Variants in SLC39A11 observed in about 807,000 individuals in gnomAD.
SLC39A11 encodes the protein solute carrier family 39 member 11.
In SLC39A11, 33 loss-of-function variants were observed where a neutral mutation model predicts 36.1. The ratio of observed to expected loss-of-function variants is 0.91; its 90% CI spans 0.69 to 1.22. The LOEUF (loss-of-function observed/expected upper bound fraction) is 1.22, where lower values mean the gene tolerates loss of function less well. Ranked by LOEUF, SLC39A11 falls within the 50% of genes most tolerant of loss-of-function variation. The probability of loss-of-function intolerance (pLI) is 0.00; values close to 1 mark genes in which losing one functional copy is unlikely to be tolerated. For synonymous variants in SLC39A11, 166 were observed against 170.3 expected (o/e 0.97, Z 0.20); for missense variants, 432 against 430.3 (o/e 1.00, Z -0.03).
chr17:72,712,621 T>C (rs948602376), intron 7 of SLC39A11: 1 of 152,160 alleles, frequency 6.6e-6, no homozygotes, highest in African/African-American at 2.4e-5. Context: ...CTTTGAAAGG[T>C]GTCCAGTGCT....
chr17:72,906,443 C>T (rs1410846279), intron 5 of SLC39A11, among the ~76,000 whole-genome samples: 1 of 152,256 alleles, frequency 6.6e-6, no homozygotes, highest in Non-Finnish European at 1.5e-5. Context: ...CAGAACGGGG[C>T]TTGGCTGGGT....
At chr17:72,776,319 C>T (rs1184313930) in intron 6 of SLC39A11, among the ~76,000 whole-genome samples, 1 of 152,186 alleles carries the variant, frequency 6.6e-6, no homozygotes, top group Non-Finnish European at 1.5e-5. Flanking sequence ...AACCAGAAGA[C>T]AGCATTTAAA....
intron 6 of SLC39A11, 152 bp downstream of exon 6, chr17:72,849,482 A>C: frequency 1.4e-6 from 1 of 699,966 alleles, no homozygotes. Context: ...ATCAAAAAAT[A>C]AAGCCAAGAA....
At chr17:72,814,764 C>T (rs2077531271) in intron 6 of SLC39A11, among the ~76,000 whole-genome samples, 2 of 152,242 alleles carry the variant, frequency 1.3e-5, no homozygotes, top group South Asian at 4.1e-4. Flanking sequence ...AAGAGGTCAT[C>T]CACAATGCAT....
intron 7 of SLC39A11, among the ~76,000 whole-genome samples, chr17:72,655,942 C>T (rs994590931): frequency 2.6e-5 from 4 of 152,164 alleles, no homozygotes; most frequent in Non-Finnish European, 5.9e-5. Context: ...GGCAGCCTCC[C>T]GGGGGGCTGG....
chr17:73,069,940 T>C (rs2060111227), intron 3 of SLC39A11, among the ~76,000 whole-genome samples: 2 of 152,202 alleles, frequency 1.3e-5, no homozygotes, highest in South Asian at 4.1e-4. Context: ...GCTTCACAAA[T>C]ATCTTTGGGA....
At chr17:73,000,522 T>C (rs1354627094) in intron 4 of SLC39A11, among the ~76,000 whole-genome samples, 1 of 152,154 alleles carries the variant, frequency 6.6e-6, no homozygotes, top group Non-Finnish European at 1.5e-5. Context: ...GTTCAGCGAC[T>C]TGGTTTTGGG....
At chr17:72,922,853 C>T (rs374976954) in intron 5 of SLC39A11, among the ~76,000 whole-genome samples, 48 of 150,200 alleles carry the variant, frequency 3.2e-4, no homozygotes, top group East Asian at 1.0e-3. Flanking sequence ...CTGTAGTCCC[C>T]GCTACTCGGG....
chr17:72,937,218 A>G lies in SLC39A11; in HGVS notation c.430+10534T>C, dbSNP rs190516496. ...CACTTTGGGAGGCCGAGGCGGGTGG[A>G]TCGCCTGAGCTCAGGAGTTCAAGAC... On this transcript the variant is annotated intron_variant, in intron 5 of 9. Transcript: ENST00000255559. Among the ~76,000 whole-genome samples, 628 of 152,298 alleles carry G rather than the reference A, an allele frequency of 4.1e-3. 4 individuals are homozygous for G. The highest frequency in any genetic ancestry group is 0.014 in the African/African-American group (564 of 41,572).
At position 72,910,104 on chromosome 17, in the gene SLC39A11, T is replaced by C. The variant is rs543498898; in HGVS notation, c.430+37648A>G. 2.6e-5 allele frequency among the ~76,000 whole-genome samples: 4 copies of C among 152,192 alleles called. No homozygotes were observed. The East Asian group carries it at 7.7e-4, about 29-fold the overall frequency. ...AGAAGGTTGGACTGGAACCCAGATC[T>C]CCTCAATTCTATCACAACATTTTTA... On this transcript the variant is annotated intron_variant, in intron 5 of 9. Coordinates refer to ENST00000255559, the MANE Select transcript of SLC39A11 (RefSeq NM_139177.4).
intron 6 of SLC39A11, among the ~76,000 whole-genome samples, chr17:72,756,596 G>C (rs1296795082): frequency 6.6e-6 from 1 of 152,338 alleles, no homozygotes; most frequent in East Asian, 1.9e-4. Context: ...TAAAGACAGA[G>C]AGTAGAATGG....
chr17:72,916,249 C>T (rs1234359607), intron 5 of SLC39A11, among the ~76,000 whole-genome samples: 1 of 149,466 alleles, frequency 6.7e-6, no homozygotes, highest in African/African-American at 2.4e-5. Context: ...CACACAAACA[C>T]ACAAACTTGA....
intron 5 of SLC39A11, among the ~76,000 whole-genome samples, chr17:72,904,677 T>G (rs2146993838): frequency 6.6e-6 from 1 of 152,280 alleles, no homozygotes; most frequent in Middle Eastern, 3.4e-3. Context: ...GTTTCTTTCC[T>G]TCTCAGGTGG....
At chr17:72,836,346 C>CT (rs11385302) in intron 6 of SLC39A11, among the ~76,000 whole-genome samples, 60,762 of 145,546 alleles carry the variant, frequency 0.42, 14,245 homozygotes, top group East Asian at 0.74. Flanking sequence ...TGGCCTCGGG[C>CT]TTTTTTTTTT....
chr17:72,757,035 G>A (rs1009913192), intron 6 of SLC39A11, among the ~76,000 whole-genome samples: 1 of 151,256 alleles, frequency 6.6e-6, no homozygotes, highest in African/African-American at 2.4e-5. Context: ...GCGTGGTAGC[G>A]GGTGCCTGTA....
intron 4 of SLC39A11, among the ~76,000 whole-genome samples, chr17:72,987,118 A>C (rs1000545446): frequency 2.0e-5 from 3 of 152,174 alleles, no homozygotes; most frequent in Non-Finnish European, 4.4e-5. Flanking sequence ...TCAGGAGAGC[A>C]CTGGTTGTTT....
chr17:73,051,315 C>T (rs1486306268), intron 3 of SLC39A11, among the ~76,000 whole-genome samples: 1 of 152,166 alleles, frequency 6.6e-6, no homozygotes, highest in African/African-American at 2.4e-5. Flanking sequence ...ATGACAGTAA[C>T]TTGTTTATAT....
chr17:72,723,586 A>G (rs1181355981), intron 7 of SLC39A11, among the ~76,000 whole-genome samples: 1 of 152,178 alleles, frequency 6.6e-6, no homozygotes, highest in East Asian at 1.9e-4. Flanking sequence ...CCCAAAATCA[A>G]CTAGATTTTT....
chr17:72,914,827 C>A (rs139411865), intron 5 of SLC39A11, among the ~76,000 whole-genome samples: 98 of 150,742 alleles, frequency 6.5e-4, no homozygotes, highest in African/African-American at 2.2e-3. Context: ...GAGATGGCAC[C>A]ACTGCACTCC....
Sources: gnomAD v4.1 joint callset for allele counts (sites outside exome capture counted in the v4.1 genomes callset) on GRCh38, gnomAD v4.1.1 for gene constraint, MANE v1.5 for transcripts, NCBI Gene and HGNC (gene_info 2026-07-23, HGNC 2026-07-21) for gene names.